Variants in NOS1 observed in about 807,000 individuals in gnomAD.
NOS1 encodes nitric oxide synthase 1, also known as NOS type I.
In NOS1, 51 loss-of-function variants were observed where a neutral mutation model predicts 164.5. The ratio of observed to expected loss-of-function variants is 0.31; its 90% confidence interval spans 0.25 to 0.39. The LOEUF is 0.39. NOS1 is among the 10% of genes least tolerant of loss of function. The pLI, the probability that NOS1 is intolerant of heterozygous loss-of-function variation, is 1.00. For synonymous variants in NOS1, 719 were observed against 745.8 expected, an observed-to-expected ratio of 0.96 and a Z score of 0.59; for missense variants, 1,362 against 1,885.6, an observed-to-expected ratio of 0.72 and a Z score of 5.14.
rs372141400 is a variant in NOS1 at position 117,278,258 on chromosome 12, T to G, written c.1525-160A>C. Among the ~76,000 whole-genome samples, 27 of 152,308 alleles carry G rather than the reference T, an allele frequency of 1.8e-4. No homozygotes were observed. The South Asian group carries it at 2.7e-3, about 15-fold the overall frequency. On this transcript the variant is annotated intron_variant, in intron 8 of 28. Transcript: ENST00000317775. ...GGACCACATCACCTGCTTTATAGAG[T>G]TCTCCCTGACATCACCATGTATTAG...
chr12:117,333,248 G>A (rs1326031110), intron 1 of NOS1, among the ~76,000 whole-genome samples: 2 of 152,184 alleles, frequency 1.3e-5, no homozygotes, highest in Non-Finnish European at 2.9e-5. Flanking sequence ...GGAGACATCA[G>A]AGAACCCTTC....
In NOS1 at chr12:117,226,749, T is replaced by G. The variant is rs763199942; in HGVS notation, c.3638A>C (p.His1213Pro). The change falls in exon 24 of 29, where the codon CAC becomes CCC. Residue 1213 changes from histidine (H) to proline (P), a missense_variant. Physicochemically the swap from His to Pro is moderately conservative, Grantham distance 77. Transcript: ENST00000317775. ...GTTGAGCCAGGAGGAGCATACGCCG[T>G]GGTGAATTGGTCCTTCTCCATCTAG... ...RTRDGEGPIH[H>P]GVCSSWLNRI... The G allele has an allele frequency of 1.2e-6, 2 of 1,613,954 alleles. No homozygotes were observed. The highest frequency in any genetic ancestry group is 3.3e-5 in the Admixed American group (2 of 59,994).
At chr12:117,339,017 C>A (rs1409878627) in intron 1 of NOS1, among the ~76,000 whole-genome samples, 1 of 152,154 alleles carries the variant, frequency 6.6e-6, no homozygotes, top group Non-Finnish European at 1.5e-5. Flanking sequence ...AACCCAACTG[C>A]GCTCTTTTAA....
rs1308535621 is a variant in NOS1 at position 117,209,655 on chromosome 12, A to T, written c.*5654T>A. 2.0e-6 allele frequency: 2 copies of T among 985,256 alleles called. No individual in the cohort carries two copies. The highest frequency in any genetic ancestry group is 2.4e-6 in the Non-Finnish European group (2 of 829,944). The allele number at this position is 985,256 out of a possible 1,614,324, so 61.0% of individuals were successfully genotyped here. ...TACTAAGGCATATTGACAGCTGACC[A>T]CCTCCCTCGCACATGGCTTTGATAA... On this transcript the variant is annotated 3_prime_UTR_variant, in exon 29 of 29. Coordinates refer to ENST00000317775, the MANE Select transcript of NOS1 (RefSeq NM_000620.5).
chr12:117,314,560 T>TAGC (rs1201790732), intron 2 of NOS1, among the ~76,000 whole-genome samples: 3 of 152,190 alleles, frequency 2.0e-5, no homozygotes, highest in Admixed American at 6.5e-5. Flanking sequence ...AAGCATATAG[T>TAGC]ACAGCTGGGA....
At position 117,213,119 on chromosome 12, in the gene NOS1, C is replaced by T; in HGVS notation, c.*2190G>A. 3 of 985,466 alleles carry T rather than the reference C, an allele frequency of 3.0e-6. No individual in the cohort carries two copies. Among genetic ancestry groups the T allele is most frequent in the Non-Finnish European group, 3.6e-6 (3 of 829,954 alleles). 61.0% of individuals were successfully genotyped at this position (985,466 alleles called of 1,614,324 possible). On this transcript the variant is annotated 3_prime_UTR_variant, in exon 29 of 29. Transcript: ENST00000317775. Reference sequence around the variant, plus strand: ...GGTGCCTGGCACCTTGTAAGCGCTTCTAAGTATTTATTCCCTGATGGAAAA... The same window carrying T: ...GGTGCCTGGCACCTTGTAAGCGCTTTTAAGTATTTATTCCCTGATGGAAAA...
At chr12:117,284,755 A>G (rs1247658807) in intron 7 of NOS1, among the ~76,000 whole-genome samples, 1 of 152,146 alleles carries the variant, frequency 6.6e-6, no homozygotes, top group Non-Finnish European at 1.5e-5. Flanking sequence ...GGTGTATGGA[A>G]TAAAGATGCC....
intron 2 of NOS1, among the ~76,000 whole-genome samples, chr12:117,323,593 G>A (rs1875092464): frequency 1.3e-5 from 2 of 152,120 alleles, no homozygotes; most frequent in African/African-American, 4.8e-5. Flanking sequence ...CATAGAGACT[G>A]TAGCATGGAG....
rs12425729 is a variant in NOS1 at position 117,209,297 on chromosome 12, T to C, written c.*6012A>G. 194,465 of 955,844 alleles carry C rather than the reference T, an allele frequency of 0.2. 21,439 individuals carry two copies. Among genetic ancestry groups the C allele is most frequent in the Admixed American group, 0.33 (5,368 of 16,220 alleles). The allele number at this position is 955,844 out of a possible 1,614,324, so 59.2% of individuals were successfully genotyped here. A position where few individuals can be genotyped will look rare whatever the true frequency, so the allele number is the denominator to read the frequency against. The stretch of plus-strand genomic sequence containing the variant: ...CGTTGGCAGGACACTGCTACAGGTA[T>C]CTTGTGGATGGAGGCCAGGAATGCT... On this transcript the variant is annotated 3_prime_UTR_variant, in exon 29 of 29. Transcript: ENST00000317775.
rs952138247 is a variant in NOS1 at position 117,309,343 on chromosome 12, C to T, written c.852+2123G>A. On this transcript the variant is annotated intron_variant, in intron 3 of 28. Transcript: ENST00000317775. ...ACAGAATCCCTGATGTCCTTATCTTCCTGGCCAGCCATCAGCGGCTAAGGA... is the reference window on the plus strand; with the variant it reads ...ACAGAATCCCTGATGTCCTTATCTTTCTGGCCAGCCATCAGCGGCTAAGGA... The T allele has an allele frequency of 4.1e-6, 4 of 985,158 alleles. No individual in the cohort carries two copies. In the African/African-American group the frequency reaches 5.3e-5, roughly 13 times the overall value. The allele number at this position is 985,158 out of a possible 1,614,324, so 61.0% of individuals were successfully genotyped here. A position where few individuals can be genotyped will look rare whatever the true frequency, so the allele number is the denominator to read the frequency against.
chr12:117,304,946 T>A (rs377656827), intron 3 of NOS1: 2 of 922,900 alleles, frequency 2.2e-6, no homozygotes, highest in Admixed American at 1.2e-4. Context: ...TTCTTCCTCA[T>A]GTCTAACCTG....
chr12:117,256,488 G>A (rs1592956713), intron 16 of NOS1, among the ~76,000 whole-genome samples: 1 of 151,766 alleles, frequency 6.6e-6, no homozygotes, highest in South Asian at 2.1e-4. Context: ...ATGTTGGCCA[G>A]GCTGGTCTCG....
intron 3 of NOS1, among the ~76,000 whole-genome samples, chr12:117,292,282 G>A (rs1873112717): frequency 6.6e-6 from 1 of 152,180 alleles, no homozygotes. Flanking sequence ...GTGGAGGGGA[G>A]AAGGGCAAGT....
chr12:117,211,466 G>A lies in NOS1; in HGVS notation c.*3843C>T, dbSNP rs1308025679. On this transcript the variant is annotated 3_prime_UTR_variant, in exon 29 of 29. Transcript: ENST00000317775. Reference sequence around the variant, plus strand: ...TTCTTTTCCAAGTATAACTCCAATCGCCTTAATGTCCCTTTTTGAAAAACA... The same window carrying A: ...TTCTTTTCCAAGTATAACTCCAATCACCTTAATGTCCCTTTTTGAAAAACA... 4.1e-6 allele frequency: 4 copies of A among 983,956 alleles called. No individual in the cohort carries two copies. Among genetic ancestry groups the A allele is most frequent in the South Asian group, 4.7e-5 (1 of 21,256 alleles). The allele number at this position is 983,956 out of a possible 1,614,324, so 61.0% of individuals were successfully genotyped here.
At chr12:117,333,084 C>T (rs1875627244) in intron 1 of NOS1, among the ~76,000 whole-genome samples, 1 of 152,130 alleles carries the variant, frequency 6.6e-6, no homozygotes, top group Non-Finnish European at 1.5e-5. Context: ...CGTGTACATG[C>T]ACAGTGTGGC....
intron 28 of NOS1, among the ~76,000 whole-genome samples, chr12:117,215,916 C>A (rs12308759): frequency 1.5e-5 from 2 of 131,672 alleles, no homozygotes; most frequent in South Asian, 4.9e-4. Flanking sequence ...CTCACTGTGT[C>A]GCCCAGGCTG....
intron 3 of NOS1, among the ~76,000 whole-genome samples, chr12:117,302,660 T>A (rs1163618918): frequency 2.6e-5 from 4 of 151,926 alleles, no homozygotes; most frequent in Non-Finnish European, 5.9e-5. Context: ...GCTGGATTCC[T>A]GGCCTCAGTG....
chr12:117,319,750 CTTGCCCTAAAAGGATGTT>C (rs1874829516), intron 2 of NOS1, among the ~76,000 whole-genome samples: 1 of 152,208 alleles, frequency 6.6e-6, no homozygotes, highest in Non-Finnish European at 1.5e-5. Context: ...GTTTGCAACC[CTTGCCCTAAAAGGATGTT>C]TTGAGTTCCT....
rs182880513 is a variant in NOS1 at position 117,305,325 on chromosome 12, G to A, written c.852+6141C>T. Among the ~76,000 whole-genome samples the A allele has an allele frequency of 2.0e-4, 31 of 152,110 alleles. No individual in the cohort carries two copies. The East Asian group carries it at 5.2e-3, about 26-fold the overall frequency. On this transcript the variant is annotated intron_variant, in intron 3 of 28. Coordinates refer to ENST00000317775, the MANE Select transcript of NOS1 (RefSeq NM_000620.5). ...AAAATACAAAAAAAATTAGCCGGAC[G>A]TGGTGGTGGGCGCCTGTAGTCCCAG...
Sources: allele counts gnomAD v4.1 joint callset (sites outside exome capture counted in the v4.1 genomes callset), GRCh38; gene constraint gnomAD v4.1.1; transcripts MANE v1.5; gene names NCBI Gene and HGNC (gene_info 2026-07-23, HGNC 2026-07-21).